Variants in CAB39 observed in about 807,000 individuals in gnomAD.
CAB39 encodes the protein calcium binding protein 39.
Under a neutral mutation model 40.0 loss-of-function variants are expected in CAB39, and 8 were observed. That is an observed-to-expected ratio of 0.20 (90% CI 0.12 to 0.36). CAB39 has a LOEUF of 0.36. CAB39 is among the 10% of genes least tolerant of loss of function. The pLI, the probability that CAB39 is intolerant of heterozygous loss-of-function variation, is 1.00. For missense variants in CAB39, 270 were observed against 401.1 expected (o/e 0.67, Z 2.79); for synonymous variants, 156 against 141.6 (o/e 1.10, Z -0.72).
At chr2:230,715,139 A>G (rs774892572) in intron 1 of CAB39, among the ~76,000 whole-genome samples, 2 of 152,210 alleles carry the variant, frequency 1.3e-5, no homozygotes, top group African/African-American at 2.4e-5. Flanking sequence ...ATACACACAC[A>G]CATCTCTTAT....
intron 2 of CAB39, among the ~76,000 whole-genome samples, chr2:230,777,726 C>T (rs182179255): frequency 6.6e-6 from 1 of 152,242 alleles, no homozygotes; most frequent in East Asian, 1.9e-4. Context: ...ATTTTTAAAG[C>T]CTGCCGTGGT....
chr2:230,780,439 T>TA, intron 2 of CAB39, among the ~76,000 whole-genome samples: 1 of 152,234 alleles, frequency 6.6e-6, no homozygotes, highest in Admixed American at 6.5e-5. Flanking sequence ...AACCAAAATC[T>TA]AATTCAGGAT....
At chr2:230,791,062 A>G (rs1695885130) in intron 3 of CAB39, 26 bp downstream of exon 3, 1 of 1,502,026 alleles carries the variant, frequency 6.7e-7, no homozygotes. Context: ...CTTATTTTTA[A>G]AAAACAGTAC....
chr2:230,787,614 C>G (rs1366063518), intron 2 of CAB39, among the ~76,000 whole-genome samples: 1 of 152,186 alleles, frequency 6.6e-6, no homozygotes, highest in Non-Finnish European at 1.5e-5. Flanking sequence ...CTCTCTGACT[C>G]AATTATACAA....
Position 230,785,323 on chromosome 2 carries a change from AT to A in CAB39, c.115-5548del, listed in dbSNP as rs562336674. Among the ~76,000 whole-genome samples the A allele has an allele frequency of 9.7e-5, 12 of 123,882 alleles. 1 individual carries two copies. In the South Asian group the frequency reaches 3.3e-3, roughly 34 times the overall value. 81.3% of individuals were successfully genotyped at this position (123,882 alleles called of 152,430 possible). ...CTTGGACTATGGTAAATACAGGCAAATGTTTTGAGAGGTTTAATTATGAGGT... is the reference window on the plus strand; with the variant it reads ...CTTGGACTATGGTAAATACAGGCAAAGTTTTGAGAGGTTTAATTATGAGGT... On this transcript the variant is annotated intron_variant, in intron 2 of 8. Coordinates refer to ENST00000258418, the MANE Select transcript of CAB39 (RefSeq NM_016289.4).
At chr2:230,729,003 TA>T (rs1694636310) in intron 1 of CAB39, among the ~76,000 whole-genome samples, 1 of 152,228 alleles carries the variant, frequency 6.6e-6, no homozygotes, top group South Asian at 2.1e-4. Flanking sequence ...CAAAACCTGG[TA>T]TTTACTGTGT....
intron 2 of CAB39, among the ~76,000 whole-genome samples, chr2:230,780,897 C>T (rs11694707): frequency 1.3e-5 from 2 of 152,142 alleles, no homozygotes; most frequent in Admixed American, 6.6e-5. Context: ...GCCTGACCAA[C>T]ATAATGAGAC....
intron 1 of CAB39, among the ~76,000 whole-genome samples, chr2:230,729,228 T>C (rs1446844816): frequency 6.6e-6 from 1 of 152,238 alleles, no homozygotes; most frequent in Non-Finnish European, 1.5e-5. Context: ...CATCCCAATA[T>C]GTGCCAAGAT....
intron 5 of CAB39, among the ~76,000 whole-genome samples, chr2:230,801,656 G>A (rs1480459008): frequency 6.6e-6 from 1 of 152,074 alleles, no homozygotes; most frequent in Non-Finnish European, 1.5e-5. Context: ...TGGATCACCT[G>A]AGGTCAGGAG....
Position 230,760,128 on chromosome 2 carries a change from C to T in CAB39, c.114+13C>T, listed in dbSNP as rs768486722. Reference sequence around the variant, plus strand: ...AAAAGCAGAAAAGGTATGGATTTGGCTTTATTTATATTTGAAATATCTTAA... The same window carrying T: ...AAAAGCAGAAAAGGTATGGATTTGGTTTTATTTATATTTGAAATATCTTAA... On this transcript the variant is annotated intron_variant, in intron 2 of 8. Coordinates refer to ENST00000258418, the MANE Select transcript of CAB39 (RefSeq NM_016289.4). 3.3e-6 allele frequency: 5 copies of T among 1,513,024 alleles called. No homozygotes were observed. The South Asian group carries it at 5.7e-5, about 17-fold the overall frequency. 93.7% of individuals were successfully genotyped at this position (1,513,024 alleles called of 1,614,324 possible).
intron 5 of CAB39, among the ~76,000 whole-genome samples, chr2:230,799,951 A>T (rs1340370013): frequency 6.6e-6 from 1 of 151,532 alleles, no homozygotes; most frequent in Non-Finnish European, 1.5e-5. Context: ...GAATCACACC[A>T]TTGCACTCCA....
At chr2:230,734,522 A>G (rs1694750011) in intron 1 of CAB39, among the ~76,000 whole-genome samples, 1 of 152,138 alleles carries the variant, frequency 6.6e-6, no homozygotes, top group South Asian at 2.1e-4. Context: ...AGTTGCCAGA[A>G]AGAAATGGTT....
intron 5 of CAB39, among the ~76,000 whole-genome samples, chr2:230,802,932 A>C (rs1696118241): frequency 6.6e-6 from 1 of 152,230 alleles, no homozygotes; most frequent in African/African-American, 2.4e-5. Context: ...TCCTGATACC[A>C]AAGCCTGGTA....
intron 2 of CAB39, among the ~76,000 whole-genome samples, chr2:230,785,884 G>A (rs1695780985): frequency 6.6e-6 from 1 of 151,446 alleles, no homozygotes; most frequent in South Asian, 2.1e-4. Context: ...TGGAGTCTTG[G>A]CCGGGCGCGG....
In CAB39 at chr2:230,798,800, C is replaced by G. The variant is rs144835415; in HGVS notation, c.470C>G (p.Ala157Gly). The change falls in exon 5 of 9, where the codon GCA becomes GGA. Residue 157 changes from alanine to glycine, a missense_variant. Coordinates refer to ENST00000258418, the MANE Select transcript of CAB39 (RefSeq NM_016289.4). Reference sequence around the variant, plus strand: ...GAATGCATCAGACATGAACCACTTGCAAAAATCATTTTGTGGTCGGAACAG... The same window carrying G: ...GAATGCATCAGACATGAACCACTTGGAAAAATCATTTTGTGGTCGGAACAG... ...LRECIRHEPLAKIILWSEQFY... is the reference protein window; with the variant it reads ...LRECIRHEPLGKIILWSEQFY... 5.2e-4 allele frequency: 837 copies of G among 1,610,878 alleles called. 7 individuals are homozygous for G. The African/African-American group carries it at 9.6e-3, about 19-fold the overall frequency.
At chr2:230,812,956 C>G (rs1172131255) in intron 6 of CAB39, among the ~76,000 whole-genome samples, 2 of 152,174 alleles carry the variant, frequency 1.3e-5, no homozygotes, top group Non-Finnish European at 1.5e-5. Context: ...AGTTTGCCAT[C>G]CCTTGCTCTA....
chr2:230,742,558 CAAAAAAA>C (rs112074993), intron 1 of CAB39, among the ~76,000 whole-genome samples: 16 of 60,414 alleles, frequency 2.6e-4, no homozygotes, highest in African/African-American at 5.4e-4. Flanking sequence ...AACATATTTG[CAAAAAAA>C]AAAAAAAAAA....
intron 1 of CAB39, among the ~76,000 whole-genome samples, chr2:230,735,412 C>G (rs1331141704): frequency 6.6e-6 from 1 of 152,200 alleles, no homozygotes; most frequent in Non-Finnish European, 1.5e-5. Flanking sequence ...AGTGATCCGT[C>G]CGCCTCGGCC....
chr2:230,714,121 G>A (rs1466958316), intron 1 of CAB39: 1 of 152,280 alleles, frequency 6.6e-6, no homozygotes, highest in African/African-American at 2.4e-5. Context: ...AATTCCGTTT[G>A]TTGGCATGGT....
Sources: allele counts gnomAD v4.1 joint callset (sites outside exome capture counted in the v4.1 genomes callset), GRCh38; gene constraint gnomAD v4.1.1; transcripts MANE v1.5; gene names NCBI Gene and HGNC (gene_info 2026-07-23, HGNC 2026-07-21).